Variants in ROPN1L observed in about 807,000 individuals in gnomAD.
ROPN1L encodes the protein ropporin-1-like protein.
ROPN1L carries 23 observed loss-of-function variants against 22.7 expected under a neutral mutation model. That is an observed-to-expected ratio of 1.01 (90% CI 0.73 to 1.43). The LOEUF (loss-of-function observed/expected upper bound fraction) is 1.43. Among genes scored for constraint, ROPN1L ranks in the 40% most tolerant of loss-of-function variants. ROPN1L has a pLI of 0.00. For missense variants in ROPN1L, 271 were observed against 291.5 expected (o/e 0.93, Z 0.51); for synonymous variants, 116 against 117.8 (o/e 0.98, Z 0.10).
chr5:10,444,941 G>A (rs1027977788), intron 1 of ROPN1L, among the ~76,000 whole-genome samples: 2 of 151,966 alleles, frequency 1.3e-5, no homozygotes, highest in African/African-American at 4.8e-5. Context: ...GGAACTTTCC[G>A]AATGTACCAT....
chr5:10,477,639 C>G, the ROPN1L span, among the ~76,000 whole-genome samples: 1 of 152,170 alleles, frequency 6.6e-6, no homozygotes, highest in Non-Finnish European at 1.5e-5. Context: ...GGAAAATCCT[C>G]TGGGATAAGG....
intron 3 of ROPN1L, among the ~76,000 whole-genome samples, chr5:10,459,305 C>CTCACCGGGTTCCCGCCTTCCACCCTCA (rs1734958273): frequency 4.1e-5 from 6 of 146,384 alleles, no homozygotes; most frequent in East Asian, 1.9e-4. Flanking sequence ...TTCCACCCTC[C>CTCACCGGGTTCCCGCCTTCCACCCTCA]TCACCGGGTT....
chr5:10,454,081 T>G (rs747774397), intron 3 of ROPN1L, among the ~76,000 whole-genome samples: 1 of 152,222 alleles, frequency 6.6e-6, no homozygotes, highest in Non-Finnish European at 1.5e-5. Flanking sequence ...TGTTTTGATG[T>G]GCTTGCATGG....
intron 3 of ROPN1L, among the ~76,000 whole-genome samples, chr5:10,459,658 CAT>C (rs1460544095): frequency 6.6e-6 from 1 of 152,176 alleles, no homozygotes; most frequent in African/African-American, 2.4e-5. Flanking sequence ...CAGCATCCCA[CAT>C]GACTGGCTCC....
downstream of ROPN1L, among the ~76,000 whole-genome samples, chr5:10,476,243 A>G (rs1161546910): frequency 1.3e-5 from 2 of 152,236 alleles, no homozygotes; most frequent in Non-Finnish European, 2.9e-5. Context: ...CTCCTGTTCC[A>G]GCTCTGCCAG....
intron 3 of ROPN1L, among the ~76,000 whole-genome samples, chr5:10,453,344 G>A (rs1000346262): frequency 2.6e-5 from 4 of 152,144 alleles, no homozygotes; most frequent in Non-Finnish European, 5.9e-5. Flanking sequence ...GGGTAGACAG[G>A]AGGTGCTCGG....
At chr5:10,454,943 G>C (rs570158913) in intron 3 of ROPN1L, among the ~76,000 whole-genome samples, 1 of 152,326 alleles carries the variant, frequency 6.6e-6, no homozygotes, top group South Asian at 2.1e-4. Flanking sequence ...ATAGCCCAAG[G>C]AATGTGCAGC....
chr5:10,445,445 A>G (rs1216130022), intron 1 of ROPN1L, among the ~76,000 whole-genome samples: 1 of 152,242 alleles, frequency 6.6e-6, no homozygotes, highest in Non-Finnish European at 1.5e-5. Flanking sequence ...AAGGGTCACG[A>G]AAGTTAAGCA....
chr5:10,478,667 G>A, the ROPN1L span, among the ~76,000 whole-genome samples: 1 of 152,028 alleles, frequency 6.6e-6, no homozygotes, highest in African/African-American at 2.4e-5. Flanking sequence ...ACCCTACTGT[G>A]GTATGATCTC....
At chr5:10,450,545 C>T (rs1029346814) in intron 3 of ROPN1L, among the ~76,000 whole-genome samples, 4 of 152,084 alleles carry the variant, frequency 2.6e-5, no homozygotes, top group Non-Finnish European at 5.9e-5. Context: ...GTTGCCCAGG[C>T]TGGAGTACAA....
intron 3 of ROPN1L, among the ~76,000 whole-genome samples, chr5:10,451,148 C>T (rs1481540394): frequency 6.6e-6 from 1 of 152,266 alleles, no homozygotes; most frequent in African/African-American, 2.4e-5. Flanking sequence ...CCCCTCCCTT[C>T]AGTCTGTGGC....
chr5:10,467,291 GAAACAAAACA>G (rs146868166), downstream of ROPN1L, among the ~76,000 whole-genome samples: 2 of 148,878 alleles, frequency 1.3e-5, no homozygotes, highest in African/African-American at 4.9e-5. Flanking sequence ...AAAAAAACCA[GAAACAAAACA>G]AAACAAAACA....
intron 2 of ROPN1L, among the ~76,000 whole-genome samples, chr5:10,448,667 A>G (rs1024942279): frequency 6.6e-6 from 1 of 152,360 alleles, no homozygotes; most frequent in African/African-American, 2.4e-5. Context: ...AATTTACATG[A>G]CACTAGATTC....
intron 3 of ROPN1L, among the ~76,000 whole-genome samples, chr5:10,450,576 G>A (rs1353233337): frequency 6.6e-6 from 1 of 152,036 alleles, no homozygotes; most frequent in Non-Finnish European, 1.5e-5. Context: ...TCGGCTCACC[G>A]CAACCTCCGC....
chr5:10,466,999 A>G (rs1735166270), downstream of ROPN1L, among the ~76,000 whole-genome samples: 1 of 152,066 alleles, frequency 6.6e-6, no homozygotes, highest in Admixed American at 6.6e-5. Flanking sequence ...AACACTGGTA[A>G]TATTGTTTTA....
intron 4 of ROPN1L, among the ~76,000 whole-genome samples, chr5:10,463,145 G>A (rs572054950): frequency 2.6e-5 from 4 of 152,232 alleles, no homozygotes; most frequent in Non-Finnish European, 4.4e-5. Flanking sequence ...TGCATGTGAT[G>A]TAAGGCTGGT....
chr5:10,458,640 C>CATCCCCACCAT (rs1734915446), intron 3 of ROPN1L, among the ~76,000 whole-genome samples: 1 of 71,212 alleles, frequency 1.4e-5, no homozygotes, highest in African/African-American at 6.1e-5. Flanking sequence ...CCATGTACAC[C>CATCCCCACCAT]GTCCCCACCA....
At chr5:10,480,251 G>A in the ROPN1L span, among the ~76,000 whole-genome samples, 1 of 152,196 alleles carries the variant, frequency 6.6e-6, no homozygotes, top group Non-Finnish European at 1.5e-5. Context: ...TAGACTGATA[G>A]ATTTTTTTCA....
chr5:10,461,285 C>T lies in ROPN1L; in HGVS notation c.519C>T (p.Arg173=). 1.2e-6 allele frequency: 2 copies of T among 1,614,174 alleles called. No homozygotes were observed. Among genetic ancestry groups the T allele is most frequent in the East Asian group, 2.2e-5 (1 of 44,872 alleles). Residue 173 remains arginine (R), a synonymous_variant, in exon 4 of 5, where the codon CGC becomes CGT. Coordinates refer to ENST00000274134, the MANE Select transcript of ROPN1L (RefSeq NM_031916.5). ...TCAAGACGTTTTCCTACGTTTACCG[C>T]TACTTGGCCAGATTAGACTCAGATG... ...IPFKTFSYVY[R]YLARLDSDVS...
Sources: gnomAD v4.1 joint callset for allele counts (sites outside exome capture counted in the v4.1 genomes callset) on GRCh38, gnomAD v4.1.1 for gene constraint, MANE v1.5 for transcripts, NCBI Gene and HGNC (gene_info 2026-07-23, HGNC 2026-07-21) for gene names.